GIPC2: variants seen among roughly 807,000 people sequenced by gnomAD.
GIPC2 encodes GIPC PDZ domain containing family member 2, also known as PDZ domain-containing protein GIPC2.
Under a neutral mutation model 30.6 loss-of-function variants are expected in GIPC2, and 30 were observed. The observed-to-expected ratio is 0.98, with a 90% CI of 0.73 to 1.33. The LOEUF (loss-of-function observed/expected upper bound fraction) is 1.33, where lower values mean the gene tolerates loss of function less well. Among genes scored for constraint, GIPC2 ranks in the 40% most tolerant of loss-of-function variants. The probability of loss-of-function intolerance (pLI) is 0.00; values close to 1 mark genes in which losing one functional copy is unlikely to be tolerated. For missense variants in GIPC2, 414 were observed against 390.3 expected (o/e 1.06, Z -0.51); for synonymous variants, 167 against 150.0 (o/e 1.11, Z -0.83).
chr1:78,077,316 AAATT>A (rs1661734316), intron 1 of GIPC2, among the ~76,000 whole-genome samples: 1 of 152,242 alleles, frequency 6.6e-6, no homozygotes, highest in African/African-American at 2.4e-5. Context: ...GTTTTAAATT[AAATT>A]AATTCAGCTA....
intron 1 of GIPC2, among the ~76,000 whole-genome samples, chr1:78,072,379 A>G (rs959670398): frequency 6.6e-6 from 1 of 152,202 alleles, no homozygotes; most frequent in Non-Finnish European, 1.5e-5. Context: ...ATAATTGAAG[A>G]CTAGTTTGAG....
At chr1:78,047,464 C>T (rs554517770) in intron 1 of GIPC2, among the ~76,000 whole-genome samples, 1 of 152,086 alleles carries the variant, frequency 6.6e-6, no homozygotes, top group Non-Finnish European at 1.5e-5. Flanking sequence ...AATCGCAAAC[C>T]CATCTGTGAA....
intron 1 of GIPC2, among the ~76,000 whole-genome samples, chr1:78,063,856 C>T (rs1397354907): frequency 6.9e-6 from 1 of 145,110 alleles, no homozygotes; most frequent in African/African-American, 2.6e-5. Flanking sequence ...TGTGCCGCTG[C>T]ACTCCAGCCT....
intron 5 of GIPC2, among the ~76,000 whole-genome samples, chr1:78,126,656 T>C (rs1662788507): frequency 6.6e-6 from 1 of 152,182 alleles, no homozygotes; most frequent in African/African-American, 2.4e-5. Context: ...GTCATCAGGA[T>C]ATGATTTCTC....
At chr1:78,078,087 C>T (rs1291936120) in intron 1 of GIPC2, among the ~76,000 whole-genome samples, 1 of 143,814 alleles carries the variant, frequency 7.0e-6, no homozygotes, top group Non-Finnish European at 1.5e-5. Context: ...ACTTGGGAGG[C>T]TGAGGCAGGA....
chr1:78,072,101 A>G (rs1661632067), intron 1 of GIPC2, among the ~76,000 whole-genome samples: 1 of 151,994 alleles, frequency 6.6e-6, no homozygotes, highest in African/African-American at 2.4e-5. Flanking sequence ...TTCTCCTCTA[A>G]ACCTTTGTTT....
At chr1:78,077,045 C>G (rs1661729762) in intron 1 of GIPC2, among the ~76,000 whole-genome samples, 1 of 151,982 alleles carries the variant, frequency 6.6e-6, no homozygotes, top group Admixed American at 6.6e-5. Context: ...AATCCCAAAG[C>G]CTGGGATTAC....
intron 3 of GIPC2, among the ~76,000 whole-genome samples, chr1:78,098,912 C>A (rs1662190045): frequency 6.6e-6 from 1 of 152,100 alleles, no homozygotes; most frequent in African/African-American, 2.4e-5. Flanking sequence ...GAACTTCTGG[C>A]CTCTAGAACT....
intron 3 of GIPC2, among the ~76,000 whole-genome samples, chr1:78,114,572 A>G (rs1238816588): frequency 1.3e-5 from 2 of 152,112 alleles, no homozygotes; most frequent in African/African-American, 2.4e-5. Context: ...AGAATTTAAA[A>G]TTTAACTTTT....
rs949453655 is a variant in GIPC2, at chr1:78,105,349, C to T, written c.607+10217C>T. On this transcript the variant is annotated intron_variant, in intron 3 of 5. Coordinates refer to ENST00000370759, the MANE Select transcript of GIPC2 (RefSeq NM_017655.6). ...GTCACCAGGCTGGAGTGCAGTGGTG[C>T]GATCTCAGCTCACTGCAACCTCCGC... is the stretch of plus-strand genomic sequence containing the variant. Among the ~76,000 whole-genome samples, 5 of 148,176 alleles carry T rather than the reference C, an allele frequency of 3.4e-5. No homozygotes were observed. The East Asian group carries it at 5.9e-4, about 17-fold the overall frequency.
chr1:78,090,729 A>G (rs1174586677), intron 2 of GIPC2, among the ~76,000 whole-genome samples: 1 of 152,158 alleles, frequency 6.6e-6, no homozygotes, highest in Non-Finnish European at 1.5e-5. Flanking sequence ...TGATACTTAC[A>G]TATTTCTAAC....
intron 3 of GIPC2, among the ~76,000 whole-genome samples, chr1:78,103,959 G>A (rs200339902): frequency 3.3e-5 from 5 of 152,304 alleles, no homozygotes; most frequent in East Asian, 3.9e-4. Context: ...CTGTGGCTTT[G>A]CGATCTCAGG....
intron 2 of GIPC2, among the ~76,000 whole-genome samples, chr1:78,085,053 A>G (rs1009604730): frequency 1.3e-5 from 2 of 152,200 alleles, no homozygotes; most frequent in African/African-American, 4.8e-5. Flanking sequence ...TTTTCCATTC[A>G]GTATAATGTT....
chr1:78,107,485 A>G (rs1207569074), intron 3 of GIPC2, among the ~76,000 whole-genome samples: 1 of 152,106 alleles, frequency 6.6e-6, no homozygotes, highest in Non-Finnish European at 1.5e-5. Context: ...CATTTTAAAT[A>G]TAAAACAAAC....
At chr1:78,112,646 C>T (rs937555478) in intron 3 of GIPC2, among the ~76,000 whole-genome samples, 4 of 152,086 alleles carry the variant, frequency 2.6e-5, no homozygotes, top group African/African-American at 7.2e-5. Flanking sequence ...GGATCTAAGC[C>T]GTGTTGCATG....
At chr1:78,049,286 C>G (rs1661152385) in intron 1 of GIPC2, among the ~76,000 whole-genome samples, 1 of 152,146 alleles carries the variant, frequency 6.6e-6, no homozygotes, top group African/African-American at 2.4e-5. Flanking sequence ...CTCAGCTTGC[C>G]TAATAGCTGG....
intron 1 of GIPC2, among the ~76,000 whole-genome samples, chr1:78,068,778 T>G (rs1482983778): frequency 6.6e-6 from 1 of 152,204 alleles, no homozygotes; most frequent in Non-Finnish European, 1.5e-5. Flanking sequence ...TAGGCATTTT[T>G]TGGAAGGCTA....
chr1:78,122,673 C>A (rs1304891547), intron 4 of GIPC2, among the ~76,000 whole-genome samples: 4 of 152,210 alleles, frequency 2.6e-5, no homozygotes, highest in Non-Finnish European at 4.4e-5. Flanking sequence ...CCTCCCTTGA[C>A]ACGTGGGGAT....
chr1:78,069,347 A>G (rs1007380739), intron 1 of GIPC2, among the ~76,000 whole-genome samples: 2 of 152,120 alleles, frequency 1.3e-5, no homozygotes, highest in African/African-American at 2.4e-5. Context: ...AGGCCCACCC[A>G]TAGGTGAATT....
Sources: gnomAD v4.1 joint callset for allele counts (sites outside exome capture counted in the v4.1 genomes callset) on GRCh38, gnomAD v4.1.1 for gene constraint, MANE v1.5 for transcripts, NCBI Gene and HGNC (gene_info 2026-07-23, HGNC 2026-07-21) for gene names.